DNAH2: variants seen among roughly 807,000 people sequenced by gnomAD.
DNAH2 encodes the protein dynein axonemal heavy chain 2.
A neutral mutation model predicts 523.5 loss-of-function variants in DNAH2; 323 were observed. The observed-to-expected ratio is 0.62, with a 90% CI of 0.56 to 0.68. The LOEUF is 0.68. DNAH2 is among the 30% of genes least tolerant of loss of function. DNAH2 has a pLI of 0.00. For synonymous variants in DNAH2, 2,093 were observed against 2,177.4 expected (o/e 0.96, Z 1.08); for missense variants, 4,907 against 5,701.5 (o/e 0.86, Z 4.49).
At chr17:7,805,993 A>G (rs1369132028) in intron 61 of DNAH2, among the ~76,000 whole-genome samples, 1 of 152,256 alleles carries the variant, frequency 6.6e-6, no homozygotes, top group Non-Finnish European at 1.5e-5. Context: ...TGAAATTTTT[A>G]AAAAGATTAT....
chr17:7,722,478 A>G (rs1362507541), intron 2 of DNAH2, among the ~76,000 whole-genome samples: 1 of 152,194 alleles, frequency 6.6e-6, no homozygotes, highest in African/African-American at 2.4e-5. Flanking sequence ...AAGCACCTTG[A>G]GAAATTGGCA....
Position 7,799,121 on chromosome 17 carries a change from G to A in DNAH2, c.8578G>A (p.Asp2860Asn). ...TGTCCAGATCCAGTCGCATATCATA[G>A]ACCAGGCCCGGGTGGAGCAGGTGCC... ...EFEEIQSHII[D>N]QARVEQVPES... Residue 2860 changes from aspartate to asparagine, a missense_variant, in exon 56 of 86, where the codon GAC becomes AAC. Coordinates refer to ENST00000572933, the MANE Select transcript of DNAH2 (RefSeq NM_020877.5). 1 of 1,614,148 alleles carries A rather than the reference G, an allele frequency of 6.2e-7. No homozygotes were observed. The highest frequency in any genetic ancestry group is 8.5e-7 in the Non-Finnish European group (1 of 1,180,044).
intron 7 of DNAH2, among the ~76,000 whole-genome samples, chr17:7,736,212 G>A (rs1187898569): frequency 6.6e-6 from 1 of 152,122 alleles, no homozygotes; most frequent in Admixed American, 6.6e-5. Context: ...GATGTGACAG[G>A]CTGATTATGT....
intron 39 of DNAH2, among the ~76,000 whole-genome samples, chr17:7,782,871 GA>G (rs59793603): frequency 0.85 from 129,033 of 151,874 alleles, 56,348 homozygotes; most frequent in Non-Finnish European, 0.95. Flanking sequence ...AAAGCTACTA[GA>G]AAAACGTGCT....
intron 29 of DNAH2, 36 bp downstream of exon 29, chr17:7,775,012 C>T (rs768701619): frequency 1.1e-5 from 17 of 1,601,234 alleles, no homozygotes; most frequent in Admixed American, 1.0e-4. Context: ...TGCTGGGTGG[C>T]GAAGGGAGGG....
intron 3 of DNAH2, among the ~76,000 whole-genome samples, chr17:7,723,939 G>A (rs1359223778): frequency 6.6e-6 from 1 of 152,150 alleles, no homozygotes; most frequent in East Asian, 1.9e-4. Context: ...GGGTCAAACT[G>A]TGATGAGCTT....
At chr17:7,805,784 G>A (rs935813191) in intron 61 of DNAH2, among the ~76,000 whole-genome samples, 1 of 152,126 alleles carries the variant, frequency 6.6e-6, no homozygotes, top group Admixed American at 6.5e-5. Context: ...AACCTGGAAG[G>A]CTGAGGCTGC....
chr17:7,824,981 A>G (rs560004457), intron 77 of DNAH2, among the ~76,000 whole-genome samples: 1 of 152,172 alleles, frequency 6.6e-6, no homozygotes, highest in Non-Finnish European at 1.5e-5. Flanking sequence ...GGGTGTGTGC[A>G]CACACACACC....
chr17:7,723,499 T>C (rs953758568), intron 2 of DNAH2, 129 bp from the exon 3 acceptor site: 10 of 707,878 alleles, frequency 1.4e-5, no homozygotes, highest in Non-Finnish European at 2.3e-5. Flanking sequence ...CTCAAACTCC[T>C]GACCTCAGGT....
At chr17:7,830,162 G>T in intron 77 of DNAH2, 138 bp from the exon 78 acceptor site, 1 of 816,360 alleles carries the variant, frequency 1.2e-6, no homozygotes, top group Non-Finnish European at 1.8e-6. Context: ...TAGATCAACG[G>T]CTACATTTCA....
intron 73 of DNAH2, among the ~76,000 whole-genome samples, chr17:7,822,402 C>T (rs867274795): frequency 3.9e-5 from 6 of 152,226 alleles, no homozygotes; most frequent in East Asian, 3.9e-4. Context: ...TGGCACGTCT[C>T]GCCTCAGGGC....
chr17:7,832,490 C>G lies in DNAH2; in HGVS notation c.12727-89C>G. The G allele has an allele frequency of 6.7e-7, 1 of 1,495,840 alleles. No individual in the cohort carries two copies. The highest frequency in any genetic ancestry group is 9.1e-7 in the Non-Finnish European group (1 of 1,103,012). 92.7% of individuals were successfully genotyped at this position (1,495,840 alleles called of 1,614,324 possible). A position where few individuals can be genotyped will look rare whatever the true frequency, so the allele number is the denominator to read the frequency against. On this transcript the variant is annotated intron_variant, in intron 82 of 85. Coordinates refer to ENST00000572933, the MANE Select transcript of DNAH2 (RefSeq NM_020877.5). The surrounding 1 kb of genome is among the most constrained non-coding windows in gnomAD (Gnocchi z 4.3). ...TACCACTGCACTCCAGCCTGGGGGA[C>G]AAGAGCAAAACTCTGTCTCTAAATA...
At chr17:7,822,332 C>T (rs1165296138) in intron 73 of DNAH2, among the ~76,000 whole-genome samples, 1 of 152,080 alleles carries the variant, frequency 6.6e-6, no homozygotes, top group East Asian at 1.9e-4. Context: ...CGCCACCTCC[C>T]ACCACACAGC....
chr17:7,800,512 G>C (rs1260749141), intron 56 of DNAH2, among the ~76,000 whole-genome samples: 3 of 151,958 alleles, frequency 2.0e-5, no homozygotes, highest in African/African-American at 7.3e-5. Context: ...ATTTTTAAGG[G>C]AATTAGAAAC....
chr17:7,781,585 G>C (rs748749639), intron 39 of DNAH2, among the ~76,000 whole-genome samples: 7 of 152,320 alleles, frequency 4.6e-5, no homozygotes, highest in Non-Finnish European at 5.9e-5. Context: ...CCATCTACTA[G>C]CTATGACTCT....
At chr17:7,806,658 C>CAAAAAAAAA (rs66460228) in intron 61 of DNAH2, among the ~76,000 whole-genome samples, 1 of 60,560 alleles carries the variant, frequency 1.7e-5, no homozygotes, top group Non-Finnish European at 3.0e-5. Flanking sequence ...CACTCCATCT[C>CAAAAAAAAA]AAAAAAAAAA....
intron 11 of DNAH2, among the ~76,000 whole-genome samples, chr17:7,741,679 T>G (rs1341037105): frequency 6.9e-6 from 1 of 144,680 alleles, no homozygotes; most frequent in East Asian, 2.2e-4. Flanking sequence ...TTTCTTTTTT[T>G]CTGAGATGGA....
chr17:7,831,581 G>T lies in DNAH2; in HGVS notation c.12611+40G>T. On this transcript the variant is annotated intron_variant, in intron 81 of 85. Transcript: ENST00000572933. This position sits in a 1 kb window ranked among gnomAD's most constrained non-coding sequence, Gnocchi z 4.2. The stretch of plus-strand genomic sequence containing the variant: ...GACTCTGCGGAACAGGGGAGGGTGT[G>T]AGGAGAAGCCTTTGCCTTCTGGCTA... The T allele has an allele frequency of 6.2e-7, 1 of 1,613,840 alleles. No homozygotes were observed. Among genetic ancestry groups the T allele is most frequent in the Non-Finnish European group, 8.5e-7 (1 of 1,179,816 alleles).
rs139113056 is a variant in DNAH2, at chr17:7,823,123, G to A, written c.11143-319G>A. ...AGCCTGGCCAACATGGTGAAACCCCGTGTCTACTAAAAATACAATAATTAG... is the reference window on the plus strand; with the variant it reads ...AGCCTGGCCAACATGGTGAAACCCCATGTCTACTAAAAATACAATAATTAG... On this transcript the variant is annotated intron_variant, in intron 73 of 85. Transcript: ENST00000572933. Among the ~76,000 whole-genome samples, 1,492 of 152,030 alleles carry A rather than the reference G, an allele frequency of 9.8e-3. 28 individuals are homozygous for A. The highest frequency in any genetic ancestry group is 0.032 in the African/African-American group (1,307 of 41,424).
Sources: allele counts gnomAD v4.1 joint callset (sites outside exome capture counted in the v4.1 genomes callset), GRCh38; gene constraint gnomAD v4.1.1; non-coding constraint Gnocchi (gnomAD v3.1); transcripts MANE v1.5; gene names NCBI Gene and HGNC (gene_info 2026-07-23, HGNC 2026-07-21).